The following CAMKMT variants were observed in gnomAD, a reference collection of about 807,000 sequenced individuals.
CAMKMT encodes calmodulin-lysine N-methyltransferase.
A neutral mutation model predicts 48.0 loss-of-function variants in CAMKMT; 53 were observed. The ratio of observed to expected loss-of-function variants is 1.10; its 90% CI spans 0.89 to 1.39. The LOEUF (loss-of-function observed/expected upper bound fraction) is 1.39. CAMKMT is among the 40% of genes most tolerant of loss of function. CAMKMT has a pLI of 0.00. For synonymous variants in CAMKMT, 165 were observed against 152.3 expected (o/e 1.08, Z -0.61); for missense variants, 428 against 402.7 (o/e 1.06, Z -0.54).
At chr2:44,644,519 G>A (rs541409432) in intron 3 of CAMKMT, among the ~76,000 whole-genome samples, 18 of 152,324 alleles carry the variant, frequency 1.2e-4, no homozygotes, top group Middle Eastern at 3.4e-3. Context: ...AGAGTCAAAA[G>A]TGATTATCAA....
At chr2:44,760,028 A>G (rs890142191) in intron 9 of CAMKMT, among the ~76,000 whole-genome samples, 1 of 152,208 alleles carries the variant, frequency 6.6e-6, no homozygotes, top group Non-Finnish European at 1.5e-5. Context: ...CACTGACGCC[A>G]TTCCTATGCG....
intron 3 of CAMKMT, among the ~76,000 whole-genome samples, chr2:44,677,902 A>G (rs1036778198): frequency 1.3e-5 from 2 of 152,146 alleles, no homozygotes; most frequent in African/African-American, 2.4e-5. Flanking sequence ...TGTGTATTTC[A>G]CAGCTGGACT....
intron 7 of CAMKMT, among the ~76,000 whole-genome samples, chr2:44,736,109 T>C (rs1679344036): frequency 6.6e-6 from 1 of 152,210 alleles, no homozygotes; most frequent in African/African-American, 2.4e-5. Context: ...ACCTATATAG[T>C]TAGTATTTCT....
At chr2:44,719,595 G>A (rs1049283260) in intron 7 of CAMKMT, among the ~76,000 whole-genome samples, 2 of 152,130 alleles carry the variant, frequency 1.3e-5, no homozygotes, top group African/African-American at 4.8e-5. Flanking sequence ...GTATATGAAA[G>A]CTTTTAAAAT....
intron 3 of CAMKMT, among the ~76,000 whole-genome samples, chr2:44,683,838 A>AAAAAAG (rs1166874730): frequency 2.7e-5 from 4 of 149,368 alleles, no homozygotes; most frequent in East Asian, 1.9e-4. Context: ...AAAAAAAAAA[A>AAAAAAG]AAAAAGAAAA....
intron 3 of CAMKMT, among the ~76,000 whole-genome samples, chr2:44,427,787 A>G (rs1034230234): frequency 3.9e-5 from 6 of 152,098 alleles, no homozygotes; most frequent in African/African-American, 1.2e-4. Context: ...CCCAAACCAG[A>G]CCATATATTT....
chr2:44,591,117 C>G (rs1158438491), intron 3 of CAMKMT, among the ~76,000 whole-genome samples: 2 of 150,574 alleles, frequency 1.3e-5, no homozygotes, highest in Non-Finnish European at 3.0e-5. Context: ...ATCTATATCT[C>G]TGTTTTGGTA....
chr2:44,580,278 T>TAAAATAAAATAAAATA (rs980616344), intron 3 of CAMKMT, among the ~76,000 whole-genome samples: 2 of 151,748 alleles, frequency 1.3e-5, no homozygotes, highest in South Asian at 2.1e-4. Context: ...TAAAATAAAA[T>TAAAATAAAATAAAATA]AAAGTGTGCT....
intron 3 of CAMKMT, among the ~76,000 whole-genome samples, chr2:44,700,418 C>T (rs1237750233): frequency 2.0e-5 from 3 of 152,214 alleles, no homozygotes; most frequent in African/African-American, 7.2e-5. Context: ...CCTATCTCAG[C>T]TTTCAACATG....
intron 3 of CAMKMT, among the ~76,000 whole-genome samples, chr2:44,418,678 T>A (rs1683731141): frequency 6.6e-6 from 1 of 152,218 alleles, no homozygotes; most frequent in Non-Finnish European, 1.5e-5. Flanking sequence ...ATAATGTAAG[T>A]CCTCTGAATT....
intron 3 of CAMKMT, among the ~76,000 whole-genome samples, chr2:44,539,587 C>T (rs1296955928): frequency 6.6e-6 from 1 of 152,082 alleles, no homozygotes; most frequent in Non-Finnish European, 1.5e-5. Flanking sequence ...TTTTCTTATG[C>T]TAGTGTCCAG....
At chr2:44,568,560 CT>C (rs1668732612) in intron 3 of CAMKMT, among the ~76,000 whole-genome samples, 2 of 152,082 alleles carry the variant, frequency 1.3e-5, no homozygotes, top group African/African-American at 4.8e-5. Context: ...TCACATAAGC[CT>C]GACAGGTAGC....
chr2:44,535,745 A>C (rs1666738912), intron 3 of CAMKMT, among the ~76,000 whole-genome samples: 3 of 152,144 alleles, frequency 2.0e-5, no homozygotes. Flanking sequence ...ACATCAACAT[A>C]ATAAAGGCCA....
chr2:44,439,271 T>A (rs986737331), intron 3 of CAMKMT, among the ~76,000 whole-genome samples: 1 of 152,184 alleles, frequency 6.6e-6, no homozygotes, highest in Admixed American at 6.5e-5. Flanking sequence ...ATCCTTCTCT[T>A]ACCACCCCAA....
At position 44,436,408 on chromosome 2, in the gene CAMKMT, C is replaced by G. The variant is rs537111848; in HGVS notation, c.376+46103C>G. Among the ~76,000 whole-genome samples the G allele has an allele frequency of 2.0e-5, 3 of 152,182 alleles. No homozygotes were observed. In the East Asian group the frequency reaches 5.8e-4, roughly 29 times the overall value. On this transcript the variant is annotated intron_variant, in intron 3 of 10. Transcript: ENST00000378494. Reference sequence around the variant, plus strand: ...AATTCTCACTTCAGAGCCTCTGCCTCCTCAGATAGGGCAGATAAAGAAAGG... The same window carrying G: ...AATTCTCACTTCAGAGCCTCTGCCTGCTCAGATAGGGCAGATAAAGAAAGG...
chr2:44,739,796 A>G (rs1318928322), intron 7 of CAMKMT, among the ~76,000 whole-genome samples: 1 of 152,228 alleles, frequency 6.6e-6, no homozygotes, highest in Admixed American at 6.5e-5. Flanking sequence ...GTTTTGCTGC[A>G]AAGGAGGAAT....
intron 3 of CAMKMT, among the ~76,000 whole-genome samples, chr2:44,555,741 G>A (rs979745491): frequency 6.6e-6 from 1 of 152,184 alleles, no homozygotes; most frequent in Non-Finnish European, 1.5e-5. Flanking sequence ...AGACTGAAAG[G>A]TAATGCCCAA....
intron 3 of CAMKMT, among the ~76,000 whole-genome samples, chr2:44,681,806 G>A (rs1019046202): frequency 2.6e-5 from 4 of 152,218 alleles, no homozygotes; most frequent in Admixed American, 2.6e-4. Flanking sequence ...ATAGAACAGG[G>A]TTATGTTTCC....
intron 3 of CAMKMT, among the ~76,000 whole-genome samples, chr2:44,569,707 T>C (rs960062329): frequency 6.6e-6 from 1 of 152,236 alleles, no homozygotes; most frequent in African/African-American, 2.4e-5. Context: ...GCCCTAGTCA[T>C]CGCCAATCCT....
Sources: allele counts gnomAD v4.1 joint callset (sites outside exome capture counted in the v4.1 genomes callset), GRCh38; gene constraint gnomAD v4.1.1; transcripts MANE v1.5; gene names NCBI Gene and HGNC (gene_info 2026-07-23, HGNC 2026-07-21).